TENM4: variants seen among roughly 807,000 people sequenced by gnomAD.
TENM4 encodes the protein teneurin-4.
Under a neutral mutation model 243.3 loss-of-function variants are expected in TENM4, and 82 were observed. The observed-to-expected ratio is 0.34, with a 90% CI of 0.28 to 0.40. The LOEUF (loss-of-function observed/expected upper bound fraction) is 0.40. Among genes scored for constraint, TENM4 ranks in the 10% least tolerant of loss-of-function variants. TENM4 has a pLI of 1.00. For synonymous variants in TENM4, 1,412 were observed against 1,456.3 expected, an observed-to-expected ratio of 0.97 and a Z score of 0.69; for missense variants, 3,138 against 3,673.3, an observed-to-expected ratio of 0.85 and a Z score of 3.77.
chr11:78,850,790 C>T (rs1858517284), intron 12 of TENM4, among the ~76,000 whole-genome samples: 1 of 152,178 alleles, frequency 6.6e-6, no homozygotes, highest in African/African-American at 2.4e-5. Context: ...TTCTATTTCT[C>T]TGTTTAATTT....
At position 79,065,004 on chromosome 11, in the gene TENM4, G is replaced by A. The variant is rs1188217816; in HGVS notation, c.227C>T (p.Ala76Val). 6.9e-7 allele frequency: 1 copy of A among 1,457,698 alleles called. No individual in the cohort carries two copies. Among genetic ancestry groups the A allele is most frequent in the East Asian group, 2.5e-5 (1 of 39,838 alleles). The allele number at this position is 1,457,698 out of a possible 1,614,324, so 90.3% of individuals were successfully genotyped here. ...CCCCAGCTCCCGCAGGGTGAAGTTG[G>A]CACCTGGGAGGAAACACAGGTGAAC... The part of the protein sequence containing the change: ...QEAEEFCRTG[A>V]NFTLRELGLE... Residue 76 changes from alanine (A) to valine (V), a missense_variant, in exon 6 of 34, where the codon GCC becomes GTC. This residue lies in a region of TENM4 where 671 missense variants were observed against 614.1 expected (regional missense o/e 1.09). Transcript: ENST00000278550.
intron 9 of TENM4, among the ~76,000 whole-genome samples, chr11:78,886,760 T>C (rs1204081839): frequency 2.0e-5 from 3 of 152,330 alleles, no homozygotes; most frequent in East Asian, 3.9e-4. Context: ...TCCTTGTATA[T>C]GAGCCCTAGC....
intron 6 of TENM4, among the ~76,000 whole-genome samples, chr11:79,058,254 G>A (rs927080510): frequency 3.3e-5 from 5 of 151,932 alleles, no homozygotes; most frequent in African/African-American, 1.2e-4. Context: ...TGGTCAAGAA[G>A]GATAATGGGC....
intron 5 of TENM4, chr11:79,068,405 C>CA (rs1367958594): frequency 6.6e-6 from 1 of 152,192 alleles, no homozygotes; most frequent in Non-Finnish European, 1.5e-5. Context: ...AGGGACTGCT[C>CA]ATTTTTCAAG....
intron 1 of TENM4, among the ~76,000 whole-genome samples, chr11:79,320,124 C>T (rs1856863681): frequency 6.6e-6 from 1 of 152,164 alleles, no homozygotes. Flanking sequence ...CTTCCTCTTC[C>T]CTTCTGCACC....
intron 4 of TENM4, among the ~76,000 whole-genome samples, chr11:79,124,471 C>T (rs923798982): frequency 4.6e-5 from 7 of 152,046 alleles, no homozygotes; most frequent in Non-Finnish European, 8.8e-5. Flanking sequence ...CCTCAAAAAT[C>T]GGACTCCACG....
intron 1 of TENM4, among the ~76,000 whole-genome samples, chr11:79,316,303 A>G (rs1483050915): frequency 6.6e-6 from 1 of 152,210 alleles, no homozygotes; most frequent in Non-Finnish European, 1.5e-5. Flanking sequence ...TGAGAGAACA[A>G]TGGGGAAGGA....
chr11:78,954,552 T>C (rs1338103491), intron 6 of TENM4, among the ~76,000 whole-genome samples: 1 of 152,218 alleles, frequency 6.6e-6, no homozygotes, highest in African/African-American at 2.4e-5. Context: ...CCTTGTTTAA[T>C]GCAGAGAGGC....
At chr11:79,306,279 A>G (rs1016738907) in intron 1 of TENM4, among the ~76,000 whole-genome samples, 3 of 152,158 alleles carry the variant, frequency 2.0e-5, no homozygotes, top group Non-Finnish European at 4.4e-5. Context: ...TGCTCAAGAG[A>G]GGGCTGAGTG....
At chr11:78,998,735 C>T (rs1236631043) in intron 6 of TENM4, among the ~76,000 whole-genome samples, 2 of 152,100 alleles carry the variant, frequency 1.3e-5, no homozygotes, top group African/African-American at 2.4e-5. Flanking sequence ...TGGCTGGTGG[C>T]ATTGTCGTAA....
chr11:78,670,830 G>A (rs1443586038), intron 31 of TENM4, among the ~76,000 whole-genome samples: 1 of 152,200 alleles, frequency 6.6e-6, no homozygotes. Flanking sequence ...TAGGCCTCCA[G>A]GTACTCAGGC....
At chr11:78,823,961 G>A (rs190716317) in intron 12 of TENM4, among the ~76,000 whole-genome samples, 2 of 152,112 alleles carry the variant, frequency 1.3e-5, no homozygotes, top group Admixed American at 6.5e-5. Flanking sequence ...ATGTAGGAAG[G>A]GAAAGTGTTC....
At chr11:79,262,510 T>C (rs1435961803) in intron 2 of TENM4, among the ~76,000 whole-genome samples, 2 of 152,242 alleles carry the variant, frequency 1.3e-5, no homozygotes, top group African/African-American at 2.4e-5. Context: ...TTTATAACTG[T>C]AAACTGCTCG....
intron 1 of TENM4, among the ~76,000 whole-genome samples, chr11:79,394,093 G>T (rs905645953): frequency 1.3e-5 from 2 of 152,194 alleles, no homozygotes; most frequent in South Asian, 2.1e-4. Context: ...CCTCACCTGC[G>T]GAAATGCCCA....
chr11:78,882,002 A>G (rs909098233), intron 9 of TENM4, among the ~76,000 whole-genome samples: 3 of 152,226 alleles, frequency 2.0e-5, no homozygotes, highest in African/African-American at 7.2e-5. Flanking sequence ...CTGTATCTTT[A>G]TCACTTTTTC....
intron 6 of TENM4, among the ~76,000 whole-genome samples, chr11:78,965,556 CCTGAGTAAAT>C (rs1297256608): frequency 2.0e-5 from 3 of 152,212 alleles, no homozygotes; most frequent in African/African-American, 7.2e-5. Flanking sequence ...ACAGCCTCTT[CCTGAGTAAAT>C]CTGTCAAGCT....
chr11:79,310,472 C>G (rs970547272), intron 1 of TENM4, among the ~76,000 whole-genome samples: 1 of 152,224 alleles, frequency 6.6e-6, no homozygotes, highest in Non-Finnish European at 1.5e-5. Context: ...AATACGCACT[C>G]ATATGGCCTC....
intron 17 of TENM4, among the ~76,000 whole-genome samples, chr11:78,775,059 A>G (rs775196356): frequency 6.6e-5 from 10 of 152,218 alleles, no homozygotes; most frequent in Non-Finnish European, 1.3e-4. Context: ...AAGTTTGGAA[A>G]ACGTTGCATC....
intron 4 of TENM4, among the ~76,000 whole-genome samples, chr11:79,110,837 G>A (rs957765478): frequency 1.3e-5 from 2 of 152,070 alleles, no homozygotes; most frequent in Non-Finnish European, 2.9e-5. Context: ...TGCTCTCCCC[G>A]GCTAACTTGG....
Sources: allele counts gnomAD v4.1 joint callset (sites outside exome capture counted in the v4.1 genomes callset), GRCh38; gene constraint gnomAD v4.1.1; regional missense constraint gnomAD v4.1.1; transcripts MANE v1.5; gene names NCBI Gene and HGNC (gene_info 2026-07-23, HGNC 2026-07-21).